Variants in POLG2 observed in about 807,000 individuals in gnomAD.
POLG2 encodes the protein DNA polymerase gamma 2, accessory subunit, also known as DNA polymerase subunit gamma-2.
In POLG2, 50 loss-of-function variants were observed where a neutral mutation model predicts 56.5. The ratio of observed to expected loss-of-function variants is 0.88; its 90% CI spans 0.71 to 1.12. The LOEUF (loss-of-function observed/expected upper bound fraction) is 1.12, where lower values mean the gene tolerates loss of function less well. Among genes scored for constraint, POLG2 ranks in the 50% most tolerant of loss-of-function variants. The pLI, the probability that POLG2 is intolerant of heterozygous loss-of-function variation, is 0.00. For synonymous variants in POLG2, 226 were observed against 222.6 expected (o/e 1.02, Z -0.14); for missense variants, 584 against 583.3 (o/e 1.00, Z -0.01).
In POLG2 at chr17:64,477,897, T is replaced by C. The variant is rs2037791817; in HGVS notation, c.1384A>G (p.Met462Val). 3.1e-6 allele frequency: 5 copies of C among 1,613,756 alleles called. No individual in the cohort carries two copies. The highest frequency in any genetic ancestry group is 1.7e-5 in the Admixed American group (1 of 60,006). Residue 462 changes from methionine (M) to valine (V), a missense_variant, in exon 8 of 8, where the codon ATG (methionine) becomes GTG (valine). Physicochemically the swap from Met to Val is conservative, Grantham distance 21. Coordinates refer to ENST00000539111, the MANE Select transcript of POLG2 (RefSeq NM_007215.4). The part of the protein sequence containing the change: ...LIHLRSRDTT[M>V]KEMMHISKLK... ...TTGGATATATGCATCATTTCCTTCA[T>C]TGTGGTGTCTCTGCTTCTCAGATGT... is the stretch of plus-strand genomic sequence containing the variant.
chr17:64,492,542 A>G, intron 3 of POLG2, 125 bp downstream of exon 3: 5 of 656,338 alleles, frequency 7.6e-6, no homozygotes, highest in South Asian at 7.0e-5. Flanking sequence ...GAGTTTTTGT[A>G]TTTGTATAAT....
rs2038090343 is a variant in POLG2 at position 64,493,019 on chromosome 17, C to T, written c.565G>A (p.Ala189Thr). Reference protein sequence around the residue: ...GKLRENLLHGALEHYVNCLDL... With the variant: ...GKLRENLLHGTLEHYVNCLDL... The stretch of plus-strand genomic sequence containing the variant: ...AGGCAATTAACATAGTGTTCCAAGG[C>T]ACCTGTCAAAAGATAAATCAATCAT... Residue 189 changes from alanine to threonine, a missense_variant and splice_region_variant, in exon 2 of 8, where the codon GCC becomes ACC. Ala to Thr is a moderately conservative substitution (Grantham distance 58). Coordinates refer to ENST00000539111, the MANE Select transcript of POLG2 (RefSeq NM_007215.4). 6.2e-7 allele frequency: 1 copy of T among 1,614,004 alleles called. No individual in the cohort carries two copies.
chr17:64,496,550 G>A lies in POLG2; in HGVS notation c.419C>T (p.Pro140Leu), dbSNP rs1555669549. 3 of 1,613,828 alleles carry A rather than the reference G, an allele frequency of 1.9e-6. No homozygotes were observed. Among genetic ancestry groups the A allele is most frequent in the East Asian group, 2.2e-5 (1 of 44,878 alleles). ...ALHHKPGPLLPGDSAFRLVSA... is the reference protein window; with the variant it reads ...ALHHKPGPLLLGDSAFRLVSA... ...AACTAACCTGAAGGCACTGTCCCCG[G>A]GTAGCAAAGGGCCTGGTTTGTGGTG... The change falls in exon 1 of 8, where the codon CCC becomes CTC. Residue 140 changes from proline to leucine, a missense_variant. Physicochemically the swap from Pro to Leu is moderately conservative, Grantham distance 98. Coordinates refer to ENST00000539111, the MANE Select transcript of POLG2 (RefSeq NM_007215.4).
chr17:64,478,057 C>T (rs1436461881), intron 7 of POLG2, 69 bp from the exon 8 acceptor site: 2 of 1,534,112 alleles, frequency 1.3e-6, no homozygotes, highest in Non-Finnish European at 9.0e-7. Context: ...ACGTTGCCAG[C>T]TGTAATTCAG....
At chr17:64,493,538 G>T (rs1349610553) in intron 1 of POLG2, among the ~76,000 whole-genome samples, 5 of 152,008 alleles carry the variant, frequency 3.3e-5, no homozygotes, top group African/African-American at 1.2e-4. Context: ...AGGCTGGAGT[G>T]CAGTGGCAGG....
chr17:64,482,898 A>C, intron 6 of POLG2, 21 bp downstream of exon 6: 1 of 1,312,900 alleles, frequency 7.6e-7, no homozygotes, highest in Non-Finnish European at 1.1e-6. Context: ...TTAAAATGAC[A>C]TTTAAACTCA....
intron 1 of POLG2, 48 bp downstream of exon 1, chr17:64,496,359 G>A (rs906661325): frequency 1.6e-6 from 2 of 1,266,886 alleles, no homozygotes; most frequent in Non-Finnish European, 1.1e-6. Context: ...AGACTGCCTC[G>A]CCTTTCCACC....
chr17:64,488,259 A>T (rs1404258365), intron 4 of POLG2, among the ~76,000 whole-genome samples: 2 of 152,194 alleles, frequency 1.3e-5, no homozygotes, highest in Non-Finnish European at 2.9e-5. Flanking sequence ...AAGCATACTA[A>T]ATGACAGAAA....
Position 64,482,777 on chromosome 17 carries a change from A to C in POLG2, c.1191+142T>G, listed in dbSNP as rs990482237. The C allele has an allele frequency of 7.9e-6, 5 of 635,158 alleles. No individual in the cohort carries two copies. The South Asian group carries it at 9.0e-5, about 11-fold the overall frequency. 39.3% of individuals were successfully genotyped at this position (635,158 alleles called of 1,614,324 possible). A position where few individuals can be genotyped will look rare whatever the true frequency, so the allele number is the denominator to read the frequency against. Reference sequence around the variant, plus strand: ...CTTGAGTTCAAAGGAAATGCTCATCAGAACATTTAAGATTTTGGATTTTTG... The same window carrying C: ...CTTGAGTTCAAAGGAAATGCTCATCCGAACATTTAAGATTTTGGATTTTTG... On this transcript the variant is annotated intron_variant, in intron 6 of 7. Coordinates refer to ENST00000539111, the MANE Select transcript of POLG2 (RefSeq NM_007215.4).
At position 64,490,900 on chromosome 17, in the gene POLG2, G is replaced by C. The variant is rs530697513; in HGVS notation, c.865C>G (p.Leu289Val). Residue 289 changes from leucine (L) to valine (V), a missense_variant, in exon 4 of 8, where the codon CTT (leucine) becomes GTT (valine). Coordinates refer to ENST00000539111, the MANE Select transcript of POLG2 (RefSeq NM_007215.4). ...TTTCCCCAGGGAAAATTGTAGTAAA[G>C]TTTGTTTCCTTTCCGGCCTTCTTCA... The part of the protein sequence containing the change: ...QDEEGRKGNK[L>V]YYNFPWGKEL... The C allele has an allele frequency of 8.7e-5, 141 of 1,613,892 alleles. 2 individuals carry two copies. In the Middle Eastern group the frequency reaches 2.3e-3, roughly 26 times the overall value.
intron 4 of POLG2, among the ~76,000 whole-genome samples, chr17:64,490,214 C>T (rs1381257069): frequency 7.2e-5 from 11 of 152,114 alleles, no homozygotes; most frequent in Non-Finnish European, 1.5e-4. Context: ...TGAGCCACTG[C>T]GCCTGGCCGT....
At chr17:64,486,396 T>A in intron 4 of POLG2, among the ~76,000 whole-genome samples, 1 of 150,712 alleles carries the variant, frequency 6.6e-6, no homozygotes, top group Non-Finnish European at 1.5e-5. Context: ...AGTCTCGCTC[T>A]GTCACCCAGG....
intron 1 of POLG2, among the ~76,000 whole-genome samples, 188 bp downstream of exon 1, chr17:64,496,219 A>G (rs141688965): frequency 1.3e-5 from 2 of 152,338 alleles, no homozygotes; most frequent in African/African-American, 2.4e-5. Flanking sequence ...AAGGAACAGC[A>G]ATGATTCCAT....
At position 64,496,977 on chromosome 17, in the gene POLG2, G is replaced by T; in HGVS notation, c.-9C>A. On this transcript the variant is annotated 5_prime_UTR_variant, in exon 1 of 8. Coordinates refer to ENST00000539111, the MANE Select transcript of POLG2 (RefSeq NM_007215.4). ...GCTACACGAGAGCGCATCTCTCTCC[G>T]AAGTTAAAGAGCACACTCTCCCATC... The T allele has an allele frequency of 6.2e-7, 1 of 1,601,290 alleles. No homozygotes were observed.
chr17:64,479,867 G>A (rs2037829129), intron 7 of POLG2, among the ~76,000 whole-genome samples: 1 of 152,172 alleles, frequency 6.6e-6, no homozygotes, highest in African/African-American at 2.4e-5. Context: ...GTGAACAGAG[G>A]TGCCAATCCC....
chr17:64,487,302 C>G (rs1238282430), intron 4 of POLG2: 1 of 152,190 alleles, frequency 6.6e-6, no homozygotes, highest in African/African-American at 2.4e-5. Flanking sequence ...ACACAGTTAT[C>G]GTCGAACTGA....
intron 3 of POLG2, 82 bp from the exon 4 acceptor site, chr17:64,491,051 A>G: frequency 9.3e-7 from 1 of 1,075,496 alleles, no homozygotes. Flanking sequence ...AAGAATTTAA[A>G]TTGTCCGATA....
intron 7 of POLG2, 48 bp downstream of exon 7, chr17:64,480,241 C>T (rs782089160): frequency 2.7e-6 from 2 of 746,588 alleles, no homozygotes; most frequent in Non-Finnish European, 4.4e-6. Flanking sequence ...TAAACATAAT[C>T]AAAAACTCTT....
chr17:64,490,453 C>T (rs1196618460), intron 4 of POLG2: 1 of 333,538 alleles, frequency 3.0e-6, no homozygotes, highest in East Asian at 7.9e-5. Context: ...ATTAACTAGA[C>T]TGTACTCTTC....
Sources: allele counts gnomAD v4.1 joint callset (sites outside exome capture counted in the v4.1 genomes callset), GRCh38; gene constraint gnomAD v4.1.1; transcripts MANE v1.5; gene names NCBI Gene and HGNC (gene_info 2026-07-23, HGNC 2026-07-21).